The following GRM7 variants were observed in gnomAD, a reference collection of about 807,000 sequenced individuals.
GRM7 encodes glutamate metabotropic receptor 7, also known as metabotropic glutamate receptor 7.
Under a neutral mutation model 84.5 loss-of-function variants are expected in GRM7, and 35 were observed. That is an observed-to-expected ratio of 0.41 (90% CI 0.32 to 0.55). The LOEUF is 0.55. GRM7 is among the 20% of genes least tolerant of loss of function. The pLI is 0.19. For synonymous variants in GRM7, 487 were observed against 455.1 expected, an observed-to-expected ratio of 1.07 and a Z score of -0.89; for missense variants, 1,003 against 1,194.6, an observed-to-expected ratio of 0.84 and a Z score of 2.36.
chr3:7,200,590 G>A (rs1696032399), intron 2 of GRM7, among the ~76,000 whole-genome samples: 1 of 152,134 alleles, frequency 6.6e-6, no homozygotes, highest in Admixed American at 6.5e-5. Context: ...GCTTTAGCAT[G>A]CATCAGTATC....
intron 1 of GRM7, among the ~76,000 whole-genome samples, chr3:7,002,197 G>T (rs1695035892): frequency 6.6e-6 from 1 of 152,068 alleles, no homozygotes; most frequent in Admixed American, 6.5e-5. Context: ...ATTATCTAAG[G>T]GTATAGTGGT....
chr3:7,221,218 A>G (rs1696791015), intron 2 of GRM7, among the ~76,000 whole-genome samples: 1 of 152,178 alleles, frequency 6.6e-6, no homozygotes, highest in Admixed American at 6.5e-5. Flanking sequence ...GCAGTGTAAA[A>G]AATGTTTTCT....
At chr3:7,255,093 G>A (rs1206544605) in intron 2 of GRM7, among the ~76,000 whole-genome samples, 1 of 152,148 alleles carries the variant, frequency 6.6e-6, no homozygotes, top group Non-Finnish European at 1.5e-5. Flanking sequence ...TACTGGTTTT[G>A]TTCTTTATAC....
chr3:7,684,705 T>A (rs144098379), intron 9 of GRM7, among the ~76,000 whole-genome samples: 1 of 152,302 alleles, frequency 6.6e-6, no homozygotes, highest in African/African-American at 2.4e-5. Context: ...CTCCATTATG[T>A]GTGGAATAAA....
chr3:7,118,697 C>T lies in GRM7; in HGVS notation c.520-27755C>T, dbSNP rs117459862. Among the ~76,000 whole-genome samples, 44 of 152,054 alleles carry T rather than the reference C, an allele frequency of 2.9e-4. 1 individual carries two copies. The East Asian group carries it at 8.1e-3, about 28-fold the overall frequency. On this transcript the variant is annotated intron_variant, in intron 1 of 9. Transcript: ENST00000357716. ...GTGAGATAAAAATCACCCCTTTTCA[C>T]ATGGTTTTGATGTTATCTTGGAAGA...
At chr3:6,958,129 C>G (rs954750274) in intron 1 of GRM7, among the ~76,000 whole-genome samples, 1 of 151,764 alleles carries the variant, frequency 6.6e-6, no homozygotes, top group African/African-American at 2.4e-5. Flanking sequence ...TCATCGTAAT[C>G]AAAACATCAA....
Position 7,694,380 on chromosome 3 carries a change from T to G in GRM7, c.2698+14085T>G, listed in dbSNP as rs1199428243. 7 of 927,452 alleles carry G rather than the reference T, an allele frequency of 7.5e-6. No individual in the cohort carries two copies. The South Asian group carries it at 3.5e-4, about 46-fold the overall frequency. 57.5% of individuals were successfully genotyped at this position (927,452 alleles called of 1,614,324 possible). A position where few individuals can be genotyped will look rare whatever the true frequency, so the allele number is the denominator to read the frequency against. ...TCCTCTAGGAAAGGATTTTGGAGAT[T>G]CCCATCTGATATTCTTCTATTTGGT... On this transcript the variant is annotated intron_variant, in intron 9 of 9. Transcript: ENST00000357716.
intron 8 of GRM7, among the ~76,000 whole-genome samples, chr3:7,639,185 C>T (rs1465553048): frequency 6.6e-6 from 1 of 152,114 alleles, no homozygotes; most frequent in African/African-American, 2.4e-5. Flanking sequence ...TCAATATGTC[C>T]AGCACCAATT....
chr3:6,942,042 G>T (rs1697912292), intron 1 of GRM7, among the ~76,000 whole-genome samples: 1 of 152,262 alleles, frequency 6.6e-6, no homozygotes, highest in East Asian at 1.9e-4. Flanking sequence ...TTGTAATATT[G>T]AAGGGTAAAT....
At chr3:7,125,364 A>G (rs531925079) in intron 1 of GRM7, among the ~76,000 whole-genome samples, 1 of 152,330 alleles carries the variant, frequency 6.6e-6, no homozygotes, top group East Asian at 1.9e-4. Context: ...AGTCTCAAAA[A>G]CAAAACTTAG....
chr3:7,489,755 A>G (rs1488170419), intron 7 of GRM7, among the ~76,000 whole-genome samples: 2 of 152,128 alleles, frequency 1.3e-5, no homozygotes, highest in African/African-American at 4.8e-5. Context: ...ATATATTCAT[A>G]TAATGAGGTC....
chr3:7,633,927 T>C (rs1697962059), intron 8 of GRM7, among the ~76,000 whole-genome samples: 1 of 152,196 alleles, frequency 6.6e-6, no homozygotes, highest in South Asian at 2.1e-4. Context: ...CAACAGACAT[T>C]GTTCAGCAGT....
intron 8 of GRM7, among the ~76,000 whole-genome samples, chr3:7,602,409 T>C (rs1324957758): frequency 6.6e-6 from 1 of 152,196 alleles, no homozygotes; most frequent in Non-Finnish European, 1.5e-5. Flanking sequence ...ATTAATTTAG[T>C]ATCCATCTCT....
chr3:7,466,556 A>G (rs1033688294), intron 7 of GRM7, among the ~76,000 whole-genome samples: 10 of 152,206 alleles, frequency 6.6e-5, no homozygotes, highest in African/African-American at 2.4e-4. Flanking sequence ...TTACTTTGTC[A>G]TCTTTTATCT....
chr3:7,398,269 G>A lies in GRM7; in HGVS notation c.1034-16754G>A, dbSNP rs566687054. 8.2e-4 allele frequency among the ~76,000 whole-genome samples: 125 copies of A among 152,208 alleles called. 3 individuals carry two copies. Among genetic ancestry groups the A allele is most frequent in the Middle Eastern group, 6.8e-3 (2 of 294 alleles). ...CTACTATGTGCTAACCACATTTTTCGCATGTGGCAGTGAACAGTTTATCAG... is the reference window on the plus strand; with the variant it reads ...CTACTATGTGCTAACCACATTTTTCACATGTGGCAGTGAACAGTTTATCAG... On this transcript the variant is annotated intron_variant, in intron 4 of 9. Coordinates refer to ENST00000357716, the MANE Select transcript of GRM7 (RefSeq NM_000844.4).
intron 2 of GRM7, among the ~76,000 whole-genome samples, chr3:7,218,019 T>C (rs1053396981): frequency 2.6e-5 from 4 of 152,080 alleles, no homozygotes; most frequent in Non-Finnish European, 5.9e-5. Context: ...TATCAAAATA[T>C]ATTTAGCCAA....
intron 1 of GRM7, among the ~76,000 whole-genome samples, chr3:7,082,994 G>A (rs1030412444): frequency 6.6e-6 from 1 of 152,188 alleles, no homozygotes; most frequent in Non-Finnish European, 1.5e-5. Context: ...AAGATGCTAC[G>A]AACATTGTTG....
intron 2 of GRM7, among the ~76,000 whole-genome samples, chr3:7,189,575 G>A (rs1184273347): frequency 6.6e-6 from 1 of 152,058 alleles, no homozygotes; most frequent in Non-Finnish European, 1.5e-5. Flanking sequence ...TATTTATGGG[G>A]CTTAGCAACA....
chr3:7,080,006 C>T (rs1216174795), intron 1 of GRM7, among the ~76,000 whole-genome samples: 1 of 152,102 alleles, frequency 6.6e-6, no homozygotes, highest in African/African-American at 2.4e-5. Flanking sequence ...TTCCTTAATA[C>T]AGTCACCTCA....
Sources: allele counts gnomAD v4.1 joint callset (sites outside exome capture counted in the v4.1 genomes callset), GRCh38; gene constraint gnomAD v4.1.1; transcripts MANE v1.5; gene names NCBI Gene and HGNC (gene_info 2026-07-23, HGNC 2026-07-21).